The following THSD7B variants were observed in gnomAD, a reference collection of about 807,000 sequenced individuals.
THSD7B encodes the protein thrombospondin type-1 domain-containing protein 7B.
In THSD7B, 138 loss-of-function variants were observed where a neutral mutation model predicts 213.6. The ratio of observed to expected loss-of-function variants is 0.65; its 90% CI spans 0.56 to 0.74. The LOEUF (loss-of-function observed/expected upper bound fraction) is 0.74, where lower values mean the gene tolerates loss of function less well. THSD7B is among the 30% of genes least tolerant of loss of function. The pLI is 0.00. For synonymous variants in THSD7B, 742 were observed against 687.0 expected, an observed-to-expected ratio of 1.08 and a Z score of -1.25; for missense variants, 1,931 against 1,991.5, an observed-to-expected ratio of 0.97 and a Z score of 0.58.
intron 7 of THSD7B, among the ~76,000 whole-genome samples, chr2:137,217,691 A>G (rs572653868): frequency 6.6e-6 from 1 of 152,310 alleles, no homozygotes; most frequent in South Asian, 2.1e-4. Context: ...TATGGAAACC[A>G]AAAACATCTC....
intron 2 of THSD7B, among the ~76,000 whole-genome samples, chr2:136,972,264 A>G (rs1465705864): frequency 6.6e-6 from 1 of 152,216 alleles, no homozygotes. Flanking sequence ...CTTGGAAGTT[A>G]GTAGATAACT....
intron 2 of THSD7B, among the ~76,000 whole-genome samples, chr2:137,031,927 A>G (rs995018014): frequency 5.3e-5 from 8 of 151,466 alleles, no homozygotes; most frequent in African/African-American, 1.9e-4. Flanking sequence ...CTACAGCCTC[A>G]ACCTCCTGGG....
At position 136,765,656 on chromosome 2, in the gene THSD7B, C is replaced by T. The variant is rs1681373305; in HGVS notation, c.-67C>T. The T allele has an allele frequency of 6.6e-6, 1 of 152,276 alleles. No individual in the cohort carries two copies. The allele number at this position is 152,276 out of a possible 1,614,324, so 9.4% of individuals were successfully genotyped here. A position where few individuals can be genotyped will look rare whatever the true frequency, so the allele number is the denominator to read the frequency against. On this transcript the variant is annotated 5_prime_UTR_variant, in exon 1 of 28. Coordinates refer to ENST00000409968, the MANE Select transcript of THSD7B (RefSeq NM_001316349.2). Reference sequence around the variant, plus strand: ...GGGAAGCTCGGGGCTCAGCGGCTCCCAGAGGTTACGGCGGCGGCTCTGGCG... The same window carrying T: ...GGGAAGCTCGGGGCTCAGCGGCTCCTAGAGGTTACGGCGGCGGCTCTGGCG...
intron 2 of THSD7B, among the ~76,000 whole-genome samples, chr2:136,933,054 A>G (rs896653887): frequency 2.0e-5 from 3 of 151,840 alleles, no homozygotes; most frequent in Admixed American, 2.0e-4. Flanking sequence ...TCTTAATATC[A>G]GACTTGATTC....
chr2:137,257,267 G>C (rs1682333632), intron 10 of THSD7B, among the ~76,000 whole-genome samples: 1 of 152,180 alleles, frequency 6.6e-6, no homozygotes, highest in Non-Finnish European at 1.5e-5. Flanking sequence ...ATGTCTTCAT[G>C]ACCTGGAGTG....
chr2:137,205,113 T>A (rs1330074954), intron 7 of THSD7B, among the ~76,000 whole-genome samples: 1 of 152,046 alleles, frequency 6.6e-6, no homozygotes, highest in East Asian at 1.9e-4. Context: ...AGCCAAAATC[T>A]TGATGGAAGG....
intron 15 of THSD7B, 21 bp downstream of exon 15, chr2:137,451,044 A>ATTTTTTTAGCTTTTT (rs746406457): frequency 6.5e-7 from 1 of 1,529,424 alleles, no homozygotes; most frequent in Non-Finnish European, 8.8e-7. Context: ...TGAAGCAACA[A>ATTTTTTTAGCTTTTT]ATAAAAAGCT....
intron 1 of THSD7B, among the ~76,000 whole-genome samples, chr2:136,800,263 AT>A (rs1202729090): frequency 2.0e-5 from 3 of 151,840 alleles, no homozygotes; most frequent in Non-Finnish European, 2.9e-5. Flanking sequence ...AGTTTCTGCT[AT>A]TTTTTTCAAT....
intron 12 of THSD7B, among the ~76,000 whole-genome samples, chr2:137,353,156 G>A (rs1279104914): frequency 6.6e-6 from 1 of 152,064 alleles, no homozygotes; most frequent in East Asian, 1.9e-4. Context: ...CAAAAGACAG[G>A]GAGGCAGTGT....
intron 12 of THSD7B, among the ~76,000 whole-genome samples, chr2:137,334,150 T>C (rs1684580923): frequency 6.7e-6 from 1 of 148,820 alleles, no homozygotes; most frequent in Non-Finnish European, 1.5e-5. Context: ...TCCAAATCAT[T>C]CATTTCTTTC....
At chr2:136,780,610 T>A (rs1054149854) in intron 1 of THSD7B, among the ~76,000 whole-genome samples, 1 of 152,246 alleles carries the variant, frequency 6.6e-6, no homozygotes, top group African/African-American at 2.4e-5. Context: ...TCATTTTCAC[T>A]GTATGTACGG....
intron 4 of THSD7B, among the ~76,000 whole-genome samples, chr2:137,107,068 TCTA>T (rs1384225285): frequency 6.6e-6 from 1 of 152,132 alleles, no homozygotes; most frequent in African/African-American, 2.4e-5. Flanking sequence ...TATAAATCAT[TCTA>T]CTATAAAGGC....
rs1215185747 is a variant in THSD7B at position 137,590,792 on chromosome 2, G to GTTTT, written c.3423+18254_3423+18257dup. Among the ~76,000 whole-genome samples, 38 of 88,680 alleles carry GTTTT rather than the reference G, an allele frequency of 4.3e-4. 2 individuals are homozygous for GTTTT. Among genetic ancestry groups the GTTTT allele is most frequent in the African/African-American group, 8.1e-4 (20 of 24,578 alleles). 58.2% of individuals were successfully genotyped at this position (88,680 alleles called of 152,430 possible). A position where few individuals can be genotyped will look rare whatever the true frequency, so the allele number is the denominator to read the frequency against. On this transcript the variant is annotated intron_variant, in intron 17 of 27. Transcript: ENST00000409968. ...GCATTTTTCCCTCTGCTTTGAAATA[G>GTTTT]TTTTTTTTTTTTTTTTTTTTTAGCT...
intron 1 of THSD7B, among the ~76,000 whole-genome samples, chr2:136,877,088 T>C (rs1433052910): frequency 1.7e-5 from 2 of 115,042 alleles, no homozygotes; most frequent in African/African-American, 6.3e-5. Context: ...CGTATGTGCA[T>C]AGAGCCTGGG....
At chr2:137,239,045 A>G (rs768704852) in intron 9 of THSD7B, among the ~76,000 whole-genome samples, 14 of 152,158 alleles carry the variant, frequency 9.2e-5, no homozygotes, top group East Asian at 1.9e-4. Flanking sequence ...GTTTTATTGT[A>G]TAAGTAAAAT....
intron 4 of THSD7B, among the ~76,000 whole-genome samples, chr2:137,110,201 A>G (rs1688323087): frequency 6.6e-6 from 1 of 152,114 alleles, no homozygotes; most frequent in Non-Finnish European, 1.5e-5. Flanking sequence ...CCAGAAGGTA[A>G]TCTTCCCAAG....
chr2:137,304,327 G>A (rs1683688298), intron 12 of THSD7B, among the ~76,000 whole-genome samples: 1 of 152,108 alleles, frequency 6.6e-6, no homozygotes. Flanking sequence ...ATCAAGCAAT[G>A]ACTGTGGTAG....
intron 12 of THSD7B, among the ~76,000 whole-genome samples, chr2:137,319,557 A>G (rs1462731684): frequency 6.6e-6 from 1 of 152,194 alleles, no homozygotes; most frequent in Non-Finnish European, 1.5e-5. Flanking sequence ...CTTCATGTTC[A>G]ATATTGTGTG....
intron 1 of THSD7B, among the ~76,000 whole-genome samples, chr2:136,876,576 A>G (rs7602111): frequency 2.0e-5 from 3 of 152,248 alleles, no homozygotes; most frequent in African/African-American, 7.2e-5. Context: ...AGACTTAGGC[A>G]GTCTTTAAAT....
Sources: allele counts gnomAD v4.1 joint callset (sites outside exome capture counted in the v4.1 genomes callset), GRCh38; gene constraint gnomAD v4.1.1; transcripts MANE v1.5; gene names NCBI Gene and HGNC (gene_info 2026-07-23, HGNC 2026-07-21).